The following PCDH15 variants were observed in gnomAD, a reference collection of about 807,000 sequenced individuals.
PCDH15 encodes protocadherin-15.
A neutral mutation model predicts 178.5 loss-of-function variants in PCDH15; 129 were observed. That is an observed-to-expected ratio of 0.72 (90% CI 0.63 to 0.84). The LOEUF is 0.84. PCDH15 is among the 40% of genes least tolerant of loss of function. The probability of loss-of-function intolerance (pLI) is 0.00; values close to 1 mark genes in which losing one functional copy is unlikely to be tolerated. For synonymous variants in PCDH15, 800 were observed against 732.0 expected, an observed-to-expected ratio of 1.09 and a Z score of -1.50; for missense variants, 2,230 against 2,099.9, an observed-to-expected ratio of 1.06 and a Z score of -1.21.
At chr10:55,624,868 C>T (rs184720645) in intron 2 of PCDH15, among the ~76,000 whole-genome samples, 221 of 152,082 alleles carry the variant, frequency 1.5e-3, no homozygotes, top group African/African-American at 4.8e-3. Context: ...TTTATGTTAC[C>T]TTTGTGAAGT....
intron 3 of PCDH15, among the ~76,000 whole-genome samples, chr10:54,504,588 A>C (rs2081008112): frequency 6.6e-6 from 1 of 152,192 alleles, no homozygotes; most frequent in African/African-American, 2.4e-5. Context: ...ACTACTTGGC[A>C]CATGTTAATG....
rs1260841226 is a variant in PCDH15, at chr10:54,247,881, A to AAAATAT, written c.877-10951_877-10950insATATTT. On this transcript the variant is annotated intron_variant, in intron 8 of 37. Transcript: ENST00000644397. ...AGACTCTTTCTCAAAAAAAAAAAGA[A>AAAATAT]ATATGTATATATATATATCTACATT... Among the ~76,000 whole-genome samples the AAAATAT allele has an allele frequency of 8.3e-3, 1,226 of 148,494 alleles. 8 individuals carry two copies. Among genetic ancestry groups the AAAATAT allele is most frequent in the African/African-American group, 0.017 (694 of 40,348 alleles).
intron 1 of PCDH15, among the ~76,000 whole-genome samples, chr10:55,249,983 A>G (rs1220718107): frequency 1.3e-5 from 2 of 152,146 alleles, no homozygotes; most frequent in African/African-American, 4.8e-5. Context: ...CATTTTTATT[A>G]ATTAACCCCA....
chr10:54,005,292 A>G (rs545351376), intron 20 of PCDH15, among the ~76,000 whole-genome samples: 1 of 152,308 alleles, frequency 6.6e-6, no homozygotes, highest in South Asian at 2.1e-4. Flanking sequence ...ACAGGCAACC[A>G]AAGAAAAATG....
intron 1 of PCDH15, among the ~76,000 whole-genome samples, chr10:54,772,739 AT>A (rs1428695821): frequency 7.2e-5 from 11 of 152,150 alleles, no homozygotes; most frequent in Admixed American, 7.2e-4. Flanking sequence ...CAGAAATACC[AT>A]TTGACTCAGA....
intron 2 of PCDH15, among the ~76,000 whole-genome samples, chr10:55,338,116 C>T (rs1050730332): frequency 1.6e-4 from 24 of 151,846 alleles, no homozygotes; most frequent in African/African-American, 5.1e-4. Context: ...ATCATCTCAC[C>T]CCAGTTAAAA....
chr10:54,249,216 G>C (rs2056266065), intron 8 of PCDH15, among the ~76,000 whole-genome samples: 1 of 151,702 alleles, frequency 6.6e-6, no homozygotes, highest in African/African-American at 2.4e-5. Flanking sequence ...TAATTTTGTT[G>C]ACATTTTCAT....
intron 1 of PCDH15, among the ~76,000 whole-genome samples, chr10:54,719,049 A>T (rs1175628736): frequency 6.6e-6 from 1 of 152,028 alleles, no homozygotes; most frequent in African/African-American, 2.4e-5. Flanking sequence ...GAAATACCCC[A>T]TGAAAAATTA....
chr10:54,493,426 T>C (rs2079798425), intron 3 of PCDH15, among the ~76,000 whole-genome samples: 1 of 152,198 alleles, frequency 6.6e-6, no homozygotes, highest in East Asian at 1.9e-4. Context: ...ACACAGATAT[T>C]GGCATATTGT....
chr10:54,712,160 T>C (rs199752175), intron 1 of PCDH15, among the ~76,000 whole-genome samples: 1 of 151,894 alleles, frequency 6.6e-6, no homozygotes, highest in East Asian at 1.9e-4. Context: ...ATCAATTCTT[T>C]TCCTTTACTT....
intron 26 of PCDH15, among the ~76,000 whole-genome samples, chr10:53,887,546 T>G (rs1195360819): frequency 6.6e-6 from 1 of 152,242 alleles, no homozygotes; most frequent in Admixed American, 6.5e-5. Context: ...CTTCTTTGTT[T>G]CTACAGTACT....
At chr10:54,613,162 A>G (rs996782539) in intron 2 of PCDH15, among the ~76,000 whole-genome samples, 4 of 151,860 alleles carry the variant, frequency 2.6e-5, no homozygotes, top group African/African-American at 9.7e-5. Flanking sequence ...CACGCTTTAG[A>G]GAGTGAAAGA....
At chr10:55,503,856 T>C (rs1840706806) in intron 2 of PCDH15, among the ~76,000 whole-genome samples, 1 of 151,394 alleles carries the variant, frequency 6.6e-6, no homozygotes, top group African/African-American at 2.4e-5. Context: ...ACTGTTTACA[T>C]AACTAAATAT....
At chr10:53,929,315 T>A (rs2084838324) in intron 25 of PCDH15, among the ~76,000 whole-genome samples, 1 of 152,142 alleles carries the variant, frequency 6.6e-6, no homozygotes, top group Non-Finnish European at 1.5e-5. Context: ...TTTGTTTCAT[T>A]GAAAATATAA....
At chr10:53,909,108 C>T (rs7101001) in intron 25 of PCDH15, among the ~76,000 whole-genome samples, 1 of 151,962 alleles carries the variant, frequency 6.6e-6, no homozygotes, top group African/African-American at 2.4e-5. Context: ...GGGAGGTGAT[C>T]AGATCATGGG....
chr10:53,967,896 G>A (rs1454101683), intron 21 of PCDH15, among the ~76,000 whole-genome samples: 2 of 152,064 alleles, frequency 1.3e-5, no homozygotes, highest in East Asian at 3.9e-4. Flanking sequence ...ATATTTGGAG[G>A]AGGTTCCAAG....
rs1223501783 is a variant in PCDH15, at chr10:53,871,305, C to T, written c.3502-4448G>A. Among the ~76,000 whole-genome samples the T allele has an allele frequency of 3.3e-5, 5 of 152,220 alleles. No individual in the cohort carries two copies. In the East Asian group the frequency reaches 9.7e-4, roughly 29 times the overall value. ...GCAGTGAGCCAAGATCGCGCCACAG[C>T]ACTCCAGCCTGGGTGACAGAGCGAG... On this transcript the variant is annotated intron_variant, in intron 26 of 37. Coordinates refer to ENST00000644397, the MANE Select transcript of PCDH15 (RefSeq NM_001384140.1).
chr10:55,505,651 C>T (rs1589090486), intron 2 of PCDH15, among the ~76,000 whole-genome samples: 2 of 151,536 alleles, frequency 1.3e-5, no homozygotes, highest in Admixed American at 1.3e-4. Flanking sequence ...TTTATTTTTA[C>T]ATTTCATTCA....
intron 3 of PCDH15, among the ~76,000 whole-genome samples, chr10:54,442,343 G>A (rs1198095293): frequency 3.5e-4 from 47 of 134,922 alleles, no homozygotes; most frequent in African/African-American, 1.2e-3. Flanking sequence ...GTTATACAAC[G>A]GGTAGAAACT....
Sources: gnomAD v4.1 joint callset for allele counts (sites outside exome capture counted in the v4.1 genomes callset) on GRCh38, gnomAD v4.1.1 for gene constraint, MANE v1.5 for transcripts, NCBI Gene and HGNC (gene_info 2026-07-23, HGNC 2026-07-21) for gene names.